DAB1: variants seen among roughly 807,000 people sequenced by gnomAD.
DAB1 encodes the protein disabled homolog 1.
DAB1 carries 15 observed loss-of-function variants against 64.6 expected under a neutral mutation model. The observed-to-expected ratio is 0.23, with a 90% CI of 0.16 to 0.36. DAB1 has a LOEUF of 0.36. Among genes scored for constraint, DAB1 ranks in the 10% least tolerant of loss-of-function variants. The probability of loss-of-function intolerance (pLI) is 1.00; values close to 1 mark genes in which losing one functional copy is unlikely to be tolerated. For missense variants in DAB1, 596 were observed against 706.7 expected (o/e 0.84, Z 1.78); for synonymous variants, 235 against 251.9 (o/e 0.93, Z 0.64).
chr1:57,244,197 A>G (rs887373319), intron 2 of DAB1, among the ~76,000 whole-genome samples: 1 of 152,188 alleles, frequency 6.6e-6, no homozygotes, highest in Admixed American at 6.5e-5. Flanking sequence ...GCCTTACACT[A>G]TCTCCATTGT....
chr1:58,488,450 A>G (rs1308259589), intron 3 of DAB1, among the ~76,000 whole-genome samples: 3 of 152,074 alleles, frequency 2.0e-5, no homozygotes, highest in Non-Finnish European at 4.4e-5. Context: ...ACTGTACCCA[A>G]TGTGTAGTCT....
At chr1:57,000,343 C>T (rs955412574) in intron 14 of DAB1, among the ~76,000 whole-genome samples, 1 of 152,148 alleles carries the variant, frequency 6.6e-6, no homozygotes, top group Non-Finnish European at 1.5e-5. Flanking sequence ...CGCGCCAGGC[C>T]TCCTTCTGCC....
At chr1:57,585,421 A>G (rs1645367058) in intron 7 of DAB1, among the ~76,000 whole-genome samples, 2 of 152,184 alleles carry the variant, frequency 1.3e-5, no homozygotes, top group African/African-American at 4.8e-5. Context: ...ACAAGATTCT[A>G]TATATGCATG....
chr1:57,688,823 C>A (rs1646730503), intron 6 of DAB1, among the ~76,000 whole-genome samples: 1 of 152,094 alleles, frequency 6.6e-6, no homozygotes, highest in South Asian at 2.1e-4. Context: ...AACAGAAAAC[C>A]AAATACCATA....
At chr1:57,270,141 T>A (rs1232980928) in intron 2 of DAB1, among the ~76,000 whole-genome samples, 2 of 152,156 alleles carry the variant, frequency 1.3e-5, no homozygotes, top group Non-Finnish European at 2.9e-5. Flanking sequence ...GCCCTCTTCC[T>A]CCTGCACGCC....
intron 5 of DAB1, among the ~76,000 whole-genome samples, chr1:57,938,016 G>A (rs1244588474): frequency 5.3e-5 from 8 of 152,218 alleles, no homozygotes; most frequent in Admixed American, 5.2e-4. Context: ...CCAGCTGACT[G>A]TGCCATGTTC....
chr1:57,369,553 C>T lies in DAB1; in HGVS notation c.-137+54377G>A, dbSNP rs544727475. On this transcript the variant is annotated intron_variant, in intron 1 of 14. Coordinates refer to ENST00000371236, the MANE Select transcript of DAB1 (RefSeq NM_001365792.1). The stretch of plus-strand genomic sequence containing the variant: ...TGGCCTACAAAGTGGTTATAGAGGA[C>T]GTTTTATGATGCAGAAAAAACAACT... Among the ~76,000 whole-genome samples, 148 of 152,182 alleles carry T rather than the reference C, an allele frequency of 9.7e-4. 1 individual carries two copies. The highest frequency in any genetic ancestry group is 3.1e-3 in the African/African-American group (129 of 41,528).
intron 4 of DAB1, among the ~76,000 whole-genome samples, chr1:58,332,232 C>T (rs1049938440): frequency 3.3e-5 from 5 of 152,142 alleles, no homozygotes; most frequent in African/African-American, 9.7e-5. Context: ...CCTTTTGAAA[C>T]TCCCCTCCCT....
intron 4 of DAB1, among the ~76,000 whole-genome samples, chr1:57,084,860 C>T (rs1652906107): frequency 6.6e-6 from 1 of 152,210 alleles, no homozygotes; most frequent in Admixed American, 6.5e-5. Flanking sequence ...CCCAAATACA[C>T]CACCAAACCA....
chr1:57,284,050 T>C (rs1672120711), intron 2 of DAB1, among the ~76,000 whole-genome samples: 1 of 152,238 alleles, frequency 6.6e-6, no homozygotes, highest in African/African-American at 2.4e-5. Context: ...AAAATGTACT[T>C]GCTTTTAGTC....
At chr1:57,496,634 C>T (rs1418431975) in intron 7 of DAB1, among the ~76,000 whole-genome samples, 1 of 152,178 alleles carries the variant, frequency 6.6e-6, no homozygotes, top group Non-Finnish European at 1.5e-5. Flanking sequence ...ATCACAGTTG[C>T]ATACTAGGAC....
At chr1:57,068,781 C>T (rs1194726990) in intron 8 of DAB1, among the ~76,000 whole-genome samples, 2 of 152,188 alleles carry the variant, frequency 1.3e-5, no homozygotes, top group Non-Finnish European at 2.9e-5. Flanking sequence ...GAGAAAGCTA[C>T]TCGGCTTCTC....
At chr1:57,361,575 A>T (rs534676361) in intron 1 of DAB1, among the ~76,000 whole-genome samples, 64 of 152,182 alleles carry the variant, frequency 4.2e-4, no homozygotes, top group African/African-American at 1.5e-3. Context: ...CGGGTTTGCC[A>T]TGAGACTTTT....
chr1:57,928,969 G>T (rs1202779), intron 5 of DAB1, among the ~76,000 whole-genome samples: 86,853 of 152,042 alleles, frequency 0.57, 25,323 homozygotes, highest in African/African-American at 0.67. Flanking sequence ...GCACAATTGC[G>T]GGGTCAAATG....
intron 7 of DAB1, among the ~76,000 whole-genome samples, chr1:57,626,327 G>A (rs1645923071): frequency 6.6e-6 from 1 of 152,184 alleles, no homozygotes; most frequent in African/African-American, 2.4e-5. Flanking sequence ...GCTGTGTTCT[G>A]TGGGTCACAA....
intron 5 of DAB1, among the ~76,000 whole-genome samples, chr1:58,039,742 A>G (rs1647105486): frequency 6.6e-6 from 1 of 152,100 alleles, no homozygotes; most frequent in African/African-American, 2.4e-5. Flanking sequence ...TGCCTGGGCC[A>G]CCTAGAAAAG....
intron 6 of DAB1, among the ~76,000 whole-genome samples, chr1:57,795,690 G>GATTATATATATATATAT (rs1270547155): frequency 1.4e-5 from 1 of 69,092 alleles, no homozygotes; most frequent in African/African-American, 5.6e-5. Context: ...TATGCTTGGA[G>GATTATATATATATATAT]ATATATATAT....
intron 2 of DAB1, among the ~76,000 whole-genome samples, chr1:57,279,938 C>T (rs771017338): frequency 3.9e-5 from 6 of 152,136 alleles, no homozygotes; most frequent in Non-Finnish European, 7.4e-5. Context: ...GCCATCTCAA[C>T]CTAAAGGCAT....
rs576511508 is a variant in DAB1, at chr1:58,517,046, G to A, written n.107+10215C>T. Among the ~76,000 whole-genome samples the A allele has an allele frequency of 5.3e-5, 8 of 152,244 alleles. No homozygotes were observed. In the South Asian group the frequency reaches 8.3e-4, roughly 16 times the overall value. On this transcript the variant is annotated intron_variant and non_coding_transcript_variant, in intron 2 of 20. Coordinates refer to the DAB1 transcript ENST00000485760. The stretch of plus-strand genomic sequence containing the variant: ...TCTGATGCATCAAGGTCCAAAAAAA[G>A]GATACAAGCCACAAATAAGAATCAA...
Sources: allele counts gnomAD v4.1 joint callset (sites outside exome capture counted in the v4.1 genomes callset), GRCh38; gene constraint gnomAD v4.1.1; transcripts MANE v1.5; gene names NCBI Gene and HGNC (gene_info 2026-07-23, HGNC 2026-07-21).